The following TERB1 variants were observed in gnomAD, a reference collection of about 807,000 sequenced individuals.
The protein encoded by TERB1 is telomere repeats-binding bouquet formation protein 1.
A neutral mutation model predicts 92.3 loss-of-function variants in TERB1; 63 were observed. The observed-to-expected ratio is 0.68, with a 90% CI of 0.56 to 0.84. TERB1 has a LOEUF of 0.84. Ranked by LOEUF, TERB1 falls within the 40% of genes least tolerant of loss-of-function variation. The pLI is 0.00. For missense variants in TERB1, 709 were observed against 843.7 expected, an observed-to-expected ratio of 0.84 and a Z score of 1.98; for synonymous variants, 252 against 283.9, an observed-to-expected ratio of 0.89 and a Z score of 1.13.
chr16:66,768,894 G>C (rs533380364), intron 14 of TERB1, among the ~76,000 whole-genome samples: 1 of 152,044 alleles, frequency 6.6e-6, no homozygotes, highest in South Asian at 2.1e-4. Context: ...ACCTGAGGTC[G>C]CGAGTTCAAG....
chr16:66,798,181 C>CTTTTTTTTTTTT (rs1567481438), intron 2 of TERB1, among the ~76,000 whole-genome samples: 9 of 103,420 alleles, frequency 8.7e-5, no homozygotes, highest in African/African-American at 4.0e-4. Flanking sequence ...ATTATTTTTG[C>CTTTTTTTTTTTT]CTTTTTTTTT....
intron 18 of TERB1, chr16:66,758,506 C>T (rs919399568): frequency 7.2e-5 from 21 of 292,786 alleles, no homozygotes; most frequent in African/African-American, 3.8e-4. Context: ...TTTGGGAGGC[C>T]AAGGTGGGTG....
intron 16 of TERB1, among the ~76,000 whole-genome samples, chr16:66,767,141 C>A (rs963525240): frequency 2.8e-5 from 4 of 143,506 alleles, no homozygotes; most frequent in Non-Finnish European, 4.6e-5. Context: ...TCAGTTTGGC[C>A]AACATGGTAA....
At chr16:66,755,633 G>C (rs1204518043) in intron 18 of TERB1, among the ~76,000 whole-genome samples, 1 of 152,026 alleles carries the variant, frequency 6.6e-6, no homozygotes, top group East Asian at 1.9e-4. Flanking sequence ...AAAGTAGCCA[G>C]GCATGGTGGC....
chr16:66,793,055 C>T (rs1166554175), intron 3 of TERB1, among the ~76,000 whole-genome samples: 1 of 150,532 alleles, frequency 6.6e-6, no homozygotes, highest in Non-Finnish European at 1.5e-5. Context: ...ACAATAAGAG[C>T]AAGACTCTGT....
intron 2 of TERB1, among the ~76,000 whole-genome samples, chr16:66,799,435 C>T (rs1959221621): frequency 6.6e-6 from 1 of 152,102 alleles, no homozygotes. Flanking sequence ...ACGATGTTGG[C>T]CACGCTGGTC....
At position 66,770,165 on chromosome 16, in the gene TERB1, G is replaced by C. The variant is rs1373488580; in HGVS notation, c.1417C>G (p.Gln473Glu). 5.2e-6 allele frequency: 8 copies of C among 1,552,146 alleles called. No homozygotes were observed. The Admixed American group carries it at 5.9e-5, about 11-fold the overall frequency. ...DEDKSHSRQL[Q>E]SYKSHGVMSK... ...ATGACTCCATGGGACTTATAACTCT[G>C]TAACTGTCTAGAATGGCTTTTATCC... The change falls in exon 14 of 19, where the codon CAG (glutamine) becomes GAG (glutamate). Residue 473 changes from glutamine to glutamate, a missense_variant. By Grantham distance (29) the Gln-to-Glu change is conservative (BLOSUM62 2). Coordinates refer to ENST00000433154, the MANE Select transcript of TERB1 (RefSeq NM_001136505.2).
intron 10 of TERB1, among the ~76,000 whole-genome samples, chr16:66,778,521 G>A (rs1462572839): frequency 1.3e-5 from 2 of 152,220 alleles, no homozygotes; most frequent in Non-Finnish European, 2.9e-5. Context: ...AGGTTCAAGC[G>A]ATTCTCTTGT....
intron 5 of TERB1, among the ~76,000 whole-genome samples, chr16:66,788,690 A>G (rs962996246): frequency 1.3e-5 from 2 of 152,270 alleles, no homozygotes; most frequent in Non-Finnish European, 2.9e-5. Flanking sequence ...AGGGACAAAC[A>G]ATATTTGTGC....
chr16:66,779,711 G>A (rs2018605476), intron 9 of TERB1, among the ~76,000 whole-genome samples: 1 of 152,028 alleles, frequency 6.6e-6, no homozygotes, highest in Admixed American at 6.6e-5. Context: ...CATTTATCTT[G>A]GTAATTAGCA....
chr16:66,794,309 AG>A (rs1411844178), intron 3 of TERB1, among the ~76,000 whole-genome samples: 4 of 152,076 alleles, frequency 2.6e-5, no homozygotes, highest in Non-Finnish European at 5.9e-5. Flanking sequence ...CATGTTGCCC[AG>A]GCTGGTTTCA....
Position 66,775,582 on chromosome 16 carries a change from C to T in TERB1, c.986-339G>A, listed in dbSNP as rs537178505. On this transcript the variant is annotated intron_variant, in intron 11 of 18. Coordinates refer to ENST00000433154, the MANE Select transcript of TERB1 (RefSeq NM_001136505.2). Reference sequence around the variant, plus strand: ...CTGGGAGGTGGAGGCTGCAGTGAGCCGAGGTCGCACCATTGTACTCCAGTT... The same window carrying T: ...CTGGGAGGTGGAGGCTGCAGTGAGCTGAGGTCGCACCATTGTACTCCAGTT... Among the ~76,000 whole-genome samples the T allele has an allele frequency of 3.8e-4, 58 of 151,980 alleles. No homozygotes were observed. In the South Asian group the frequency reaches 0.01, roughly 27 times the overall value.
At chr16:66,796,564 T>G (rs1413580017) in intron 3 of TERB1, among the ~76,000 whole-genome samples, 1 of 152,270 alleles carries the variant, frequency 6.6e-6, no homozygotes, top group Non-Finnish European at 1.5e-5. Flanking sequence ...AACTATCACA[T>G]GATATTCTAA....
chr16:66,771,067 A>G (rs2018442177), intron 13 of TERB1, among the ~76,000 whole-genome samples: 1 of 152,190 alleles, frequency 6.6e-6, no homozygotes, highest in African/African-American at 2.4e-5. Flanking sequence ...CCCAAGCTGA[A>G]GGATAACTTT....
At chr16:66,786,151 A>G in intron 7 of TERB1, 22 bp from the exon 8 acceptor site, 2 of 1,536,404 alleles carry the variant, frequency 1.3e-6, no homozygotes, top group South Asian at 1.2e-5. Context: ...AAAAGAAAAG[A>G]AAGTAAATTA....
intron 13 of TERB1, among the ~76,000 whole-genome samples, chr16:66,772,024 G>A (rs1010083484): frequency 4.6e-5 from 7 of 150,742 alleles, no homozygotes; most frequent in Non-Finnish European, 1.0e-4. Flanking sequence ...CACATTTCCT[G>A]TCTTTTCAGT....
intron 6 of TERB1, among the ~76,000 whole-genome samples, chr16:66,787,108 C>CT (rs1269268436): frequency 1.3e-5 from 2 of 151,470 alleles, no homozygotes; most frequent in South Asian, 2.1e-4. Flanking sequence ...AGAAGCATTT[C>CT]TTTTTTTTGA....
Position 66,788,270 on chromosome 16 carries a change from G to C in TERB1, c.299C>G (p.Ser100Ter). 1.3e-6 allele frequency: 2 copies of C among 1,501,304 alleles called. No homozygotes were observed. 93.0% of individuals were successfully genotyped at this position (1,501,304 alleles called of 1,614,324 possible). Reference sequence around the variant, plus strand: ...CCAAGTTAAGTCTTCAAACAACTCTGAAGTACACAAAGTCTGCTGACAGTA... The same window carrying C: ...CCAAGTTAAGTCTTCAAACAACTCTCAAGTACACAAAGTCTGCTGACAGTA... ...NVYCQQTLCT[S>*]ELFEDLTWFL... Residue 100 changes from serine to a stop codon, truncating the protein, a stop_gained, in exon 6 of 19, where the codon TCA becomes TGA. Transcript: ENST00000433154. LOFTEE classifies it high-confidence loss of function.
intron 2 of TERB1, among the ~76,000 whole-genome samples, chr16:66,797,769 G>T (rs1379237890): frequency 1.3e-5 from 2 of 148,684 alleles, no homozygotes; most frequent in East Asian, 4.1e-4. Context: ...GTCCAGACTG[G>T]TCTCCTGAGC....
Sources: allele counts gnomAD v4.1 joint callset (sites outside exome capture counted in the v4.1 genomes callset), GRCh38; gene constraint gnomAD v4.1.1; transcripts MANE v1.5; gene names NCBI Gene and HGNC (gene_info 2026-07-23, HGNC 2026-07-21).